Variants in FAM227B observed in about 807,000 individuals in gnomAD.
FAM227B encodes the protein family with sequence similarity 227 member B.
In FAM227B, 88 loss-of-function variants were observed where a neutral mutation model predicts 73.8. The observed-to-expected ratio is 1.19, with a 90% CI of 1.00 to 1.42. FAM227B has a LOEUF of 1.42. Ranked by LOEUF, FAM227B falls within the 40% of genes most tolerant of loss-of-function variation. The pLI is 0.00. For missense variants in FAM227B, 632 were observed against 590.9 expected (o/e 1.07, Z -0.72); for synonymous variants, 210 against 190.5 (o/e 1.10, Z -0.84).
chr15:49,373,096 T>A (rs942354987), intron 11 of FAM227B, among the ~76,000 whole-genome samples: 2 of 152,052 alleles, frequency 1.3e-5, no homozygotes, highest in South Asian at 4.1e-4. Flanking sequence ...ATATATATGA[T>A]ATTACTTAAT....
At chr15:49,424,383 C>A (rs1248211533) in intron 11 of FAM227B, 2 of 1,613,642 alleles carry the variant, frequency 1.2e-6, no homozygotes, top group Non-Finnish European at 1.7e-6. Flanking sequence ...GGTACTATAT[C>A]TTTAGCTTGC....
At chr15:49,595,121 CTT>C (rs1182339757) in intron 3 of FAM227B, among the ~76,000 whole-genome samples, 1 of 151,930 alleles carries the variant, frequency 6.6e-6, no homozygotes, top group Non-Finnish European at 1.5e-5. Context: ...TATAGTTTAT[CTT>C]GTAGAGGTCT....
At chr15:49,422,145 A>AGAGAGAGAGAGAGAGAGTGT (rs757128514) in intron 11 of FAM227B, among the ~76,000 whole-genome samples, 9 of 139,808 alleles carry the variant, frequency 6.4e-5, no homozygotes, top group Non-Finnish European at 8.0e-5. Context: ...AGAGAGAGAG[A>AGAGAGAGAGAGAGAGAGTGT]GTGTGTGTGT....
intron 11 of FAM227B, among the ~76,000 whole-genome samples, chr15:49,460,589 C>CATA (rs2053704254): frequency 6.6e-6 from 1 of 152,082 alleles, no homozygotes; most frequent in African/African-American, 2.4e-5. Flanking sequence ...GAGTACTGGC[C>CATA]AATCCCAAAA....
At chr15:49,508,994 G>A (rs558812989) in intron 10 of FAM227B, among the ~76,000 whole-genome samples, 1 of 152,310 alleles carries the variant, frequency 6.6e-6, no homozygotes, top group South Asian at 2.1e-4. Flanking sequence ...CAGTCAGGAG[G>A]CAGAGAAAGA....
chr15:49,589,844 T>C lies in FAM227B; in HGVS notation c.269A>G (p.Glu90Gly). 1.2e-6 allele frequency: 2 copies of C among 1,610,610 alleles called. No homozygotes were observed. Among genetic ancestry groups the C allele is most frequent in the Non-Finnish European group, 1.7e-6 (2 of 1,176,926 alleles). ...ALLIMESKLKEYSLILQNHTS... is the reference protein window; with the variant it reads ...ALLIMESKLKGYSLILQNHTS... Reference sequence around the variant, plus strand: ...GTGGTTTTGCAAAATAAGTGAATATTCCTTTAATTTTGATTCCATGATCAA... The same window carrying C: ...GTGGTTTTGCAAAATAAGTGAATATCCCTTTAATTTTGATTCCATGATCAA... Residue 90 changes from glutamate to glycine, a missense_variant, in exon 4 of 16, where the codon GAA (glutamate) becomes GGA (glycine). Glu to Gly is a moderately conservative substitution (Grantham distance 98). Transcript: ENST00000299338.
intron 11 of FAM227B, among the ~76,000 whole-genome samples, chr15:49,505,903 A>G (rs933165929): frequency 6.6e-6 from 1 of 152,038 alleles, no homozygotes; most frequent in Non-Finnish European, 1.5e-5. Flanking sequence ...CAAAAAGTAT[A>G]TAAGAATATG....
chr15:49,569,967 G>A (rs34531968), intron 8 of FAM227B, among the ~76,000 whole-genome samples: 7,964 of 151,828 alleles, frequency 0.052, 357 homozygotes, highest in East Asian at 0.23. Flanking sequence ...TTTTTTCAAG[G>A]CCCAAGCATA....
intron 9 of FAM227B, among the ~76,000 whole-genome samples, chr15:49,567,205 T>C (rs1320268214): frequency 1.3e-5 from 2 of 152,162 alleles, no homozygotes; most frequent in Non-Finnish European, 2.9e-5. Context: ...AATTGCAACA[T>C]GCCTAATCAT....
chr15:49,441,776 A>G (rs1197840683), intron 11 of FAM227B, among the ~76,000 whole-genome samples: 6 of 151,360 alleles, frequency 4.0e-5, no homozygotes, highest in African/African-American at 1.5e-4. Flanking sequence ...TAATAGCAGT[A>G]TTGTGTAAAG....
intron 11 of FAM227B, among the ~76,000 whole-genome samples, chr15:49,375,307 A>G (rs2046087834): frequency 6.6e-6 from 1 of 152,192 alleles, no homozygotes; most frequent in South Asian, 2.1e-4. Context: ...TTTTTATGTT[A>G]TAATAAATTA....
At chr15:49,424,376 A>G in intron 11 of FAM227B, 1 of 1,613,726 alleles carries the variant, frequency 6.2e-7, no homozygotes, top group Non-Finnish European at 8.5e-7. Context: ...TCTAGTGGGT[A>G]CTATATCTTT....
chr15:49,596,345 T>C (rs1410857981), intron 3 of FAM227B, among the ~76,000 whole-genome samples: 1 of 151,996 alleles, frequency 6.6e-6, no homozygotes, highest in African/African-American at 2.4e-5. Flanking sequence ...TTAAGAATTT[T>C]GTATCCAGCA....
At chr15:49,582,403 AGACTC>A (rs1364992960) in intron 5 of FAM227B, among the ~76,000 whole-genome samples, 1 of 152,200 alleles carries the variant, frequency 6.6e-6, no homozygotes, top group Non-Finnish European at 1.5e-5. Context: ...TAATGGTAAA[AGACTC>A]AATTCAACAA....
intron 9 of FAM227B, among the ~76,000 whole-genome samples, chr15:49,560,895 C>CA (rs2074199623): frequency 6.6e-6 from 1 of 151,702 alleles, no homozygotes; most frequent in African/African-American, 2.4e-5. Flanking sequence ...AATGTAGAAA[C>CA]AAAAAAATGA....
At chr15:49,534,225 A>T (rs2060836957) in intron 10 of FAM227B, among the ~76,000 whole-genome samples, 1 of 151,852 alleles carries the variant, frequency 6.6e-6, no homozygotes, top group Non-Finnish European at 1.5e-5. Flanking sequence ...TAGAGCCCAA[A>T]TGATTCAGAC....
chr15:49,454,029 T>C (rs1272444719), intron 11 of FAM227B, among the ~76,000 whole-genome samples: 1 of 152,112 alleles, frequency 6.6e-6, no homozygotes, highest in African/African-American at 2.4e-5. Flanking sequence ...CCTAGGAAGT[T>C]TATATGGCTG....
intron 11 of FAM227B, among the ~76,000 whole-genome samples, chr15:49,409,245 A>G (rs908687814): frequency 7.2e-5 from 11 of 152,222 alleles, no homozygotes; most frequent in African/African-American, 2.6e-4. Flanking sequence ...CCACTTTAAG[A>G]TGCGGCACAC....
chr15:49,429,973 G>A (rs1404842579), intron 11 of FAM227B, among the ~76,000 whole-genome samples: 1 of 151,918 alleles, frequency 6.6e-6, no homozygotes, highest in Non-Finnish European at 1.5e-5. Flanking sequence ...CACCTCAGGG[G>A]TCTTGGGAAT....
Sources: gnomAD v4.1 joint callset for allele counts (sites outside exome capture counted in the v4.1 genomes callset) on GRCh38, gnomAD v4.1.1 for gene constraint, MANE v1.5 for transcripts, NCBI Gene and HGNC (gene_info 2026-07-23, HGNC 2026-07-21) for gene names.